DNAH17: variants seen among roughly 807,000 people sequenced by gnomAD.
DNAH17 encodes the protein dynein axonemal heavy chain 17.
DNAH17 carries 376 observed loss-of-function variants against 485.6 expected under a neutral mutation model. The ratio of observed to expected loss-of-function variants is 0.77; its 90% CI spans 0.71 to 0.84. The LOEUF (loss-of-function observed/expected upper bound fraction) is 0.84. Ranked by LOEUF, DNAH17 falls within the 40% of genes least tolerant of loss-of-function variation. DNAH17 has a pLI of 0.00. For missense variants in DNAH17, 6,370 were observed against 5,839.3 expected (o/e 1.09, Z -2.96); for synonymous variants, 3,031 against 2,405.9 (o/e 1.26, Z -7.60).
rs781417336 is a variant in DNAH17, at chr17:78,475,783, A to G, written c.8205T>C (p.Phe2735=). 2.5e-6 allele frequency: 4 copies of G among 1,613,904 alleles called. No individual in the cohort carries two copies. The highest frequency in any genetic ancestry group is 2.7e-5 in the African/African-American group (2 of 74,934). Residue 2735 remains phenylalanine, a synonymous_variant, in exon 53 of 81, where the codon TTT becomes TTC. Coordinates refer to ENST00000389840, the MANE Select transcript of DNAH17 (RefSeq NM_173628.4). Reference sequence around the variant, plus strand: ...ATTTGGGATCGCCAATCCCTTGAGCAAAGTGGCAGAAGATATTTGGCTTGG... The same window carrying G: ...ATTTGGGATCGCCAATCCCTTGAGCGAAGTGGCAGAAGATATTTGGCTTGG... ...LFAKPNIFCH[F]AQGIGDPKYV...
intron 11 of DNAH17, among the ~76,000 whole-genome samples, chr17:78,564,506 G>A (rs865777351): frequency 2.2e-5 from 3 of 138,716 alleles, no homozygotes; most frequent in African/African-American, 7.7e-5. Context: ...CTTTAATTTT[G>A]GAGACCCAAA....
rs2089853549 is a variant in DNAH17, at chr17:78,491,490, CTA to C, written c.6620_6621del (p.Ile2207ArgfsTer14). ...TTGAGAGACTCGATCCACATGGGGTCTATGTCTCCGTCAAGGATGATCCACTT... is the reference window on the plus strand; with the variant it reads ...TTGAGAGACTCGATCCACATGGGGTCTGTCTCCGTCAAGGATGATCCACTT... Reference protein sequence around the residue: ...GPKWIILDGDIDPMWIESLNT... With the variant: ...GPKWIILDGDXDPMWIESLNT... On this transcript the variant is annotated frameshift_variant, in exon 43 of 81. Coordinates refer to ENST00000389840, the MANE Select transcript of DNAH17 (RefSeq NM_173628.4). LOFTEE classifies it high-confidence loss of function. 3.1e-6 allele frequency: 5 copies of C among 1,613,580 alleles called. No homozygotes were observed. Among genetic ancestry groups the C allele is most frequent in the Non-Finnish European group, 4.2e-6 (5 of 1,179,808 alleles).
chr17:78,466,907 A>G (rs981013289), intron 55 of DNAH17, 91 bp from the exon 56 acceptor site: 1 of 1,379,138 alleles, frequency 7.3e-7, no homozygotes, highest in East Asian at 2.8e-5. Context: ...CCAGAAAGCA[A>G]CGCGCCCTGC....
At chr17:78,510,137 G>A (rs533128090) in intron 27 of DNAH17, among the ~76,000 whole-genome samples, 4 of 152,328 alleles carry the variant, frequency 2.6e-5, no homozygotes, top group Admixed American at 1.3e-4. Flanking sequence ...AGCCAAGATC[G>A]TGCCACTGCA....
At chr17:78,431,527 C>CA (rs1362291915) in intron 75 of DNAH17, among the ~76,000 whole-genome samples, 2 of 151,100 alleles carry the variant, frequency 1.3e-5, no homozygotes, top group Admixed American at 6.6e-5. Context: ...CTCTGTGTTT[C>CA]AAAGCAACGT....
chr17:78,543,092 C>T (rs938310719), intron 17 of DNAH17, among the ~76,000 whole-genome samples: 3 of 148,056 alleles, frequency 2.0e-5, no homozygotes, highest in South Asian at 2.2e-4. Flanking sequence ...AAAGATAAGG[C>T]TCGCTTGGAT....
rs73999127 is a variant in DNAH17, at chr17:78,558,676, A to G, written c.2032-422T>C. Among the ~76,000 whole-genome samples, 412 of 152,220 alleles carry G rather than the reference A, an allele frequency of 2.7e-3. 2 individuals carry two copies. The highest frequency in any genetic ancestry group is 9.5e-3 in the African/African-American group (395 of 41,528). On this transcript the variant is annotated intron_variant, in intron 13 of 80. Coordinates refer to ENST00000389840, the MANE Select transcript of DNAH17 (RefSeq NM_173628.4). Reference sequence around the variant, plus strand: ...TGGCTGACATCATCCTAATTTTCTTATCTCTGTCCTCTCCTACCTACTACC... The same window carrying G: ...TGGCTGACATCATCCTAATTTTCTTGTCTCTGTCCTCTCCTACCTACTACC...
At chr17:78,566,449 G>C (rs1393590254) in intron 11 of DNAH17, among the ~76,000 whole-genome samples, 165 bp downstream of exon 11, 3 of 152,126 alleles carry the variant, frequency 2.0e-5, no homozygotes, top group Non-Finnish European at 4.4e-5. Flanking sequence ...AGCTACACTG[G>C]GTGTTCACGG....
In DNAH17 at chr17:78,445,554, G is replaced by A. The variant is rs369932918; in HGVS notation, c.11334+4C>T. On this transcript the variant is annotated splice_donor_region_variant and intron_variant, in intron 70 of 80. Coordinates refer to ENST00000389840, the MANE Select transcript of DNAH17 (RefSeq NM_173628.4). ...CACAACGTGTTCAACGTCTAAAGAC[G>A]AACCTTGATCCCGCCCCAGCCTTGA... 2.1e-5 allele frequency: 33 copies of A among 1,561,154 alleles called. No individual in the cohort carries two copies. Among genetic ancestry groups the A allele is most frequent in the Non-Finnish European group, 2.6e-5 (30 of 1,152,318 alleles).
At chr17:78,521,441 G>T (rs999769375) in intron 25 of DNAH17, among the ~76,000 whole-genome samples, 1 of 152,030 alleles carries the variant, frequency 6.6e-6, no homozygotes, top group Non-Finnish European at 1.5e-5. Flanking sequence ...TGGAGGGACC[G>T]ACTTGTCTAC....
At chr17:78,450,492 C>G (rs964163570) in intron 67 of DNAH17, 98 bp from the exon 68 acceptor site, 13 of 1,511,450 alleles carry the variant, frequency 8.6e-6, no homozygotes, top group African/African-American at 1.4e-5. Context: ...CCCTGGGAAG[C>G]CACCCAAGGG....
chr17:78,530,223 C>T (rs1313562137), intron 21 of DNAH17, 120 bp downstream of exon 21: 1 of 1,267,260 alleles, frequency 7.9e-7, no homozygotes. Context: ...TGAAGCCCAG[C>T]CTCCACCCCC....
Position 78,543,720 on chromosome 17 carries a change from C to T in DNAH17, c.2532+137G>A, listed in dbSNP as rs938609872. 8.2e-6 allele frequency: 11 copies of T among 1,339,964 alleles called. No individual in the cohort carries two copies. In the African/African-American group the frequency reaches 1.6e-4, roughly 19 times the overall value. 83.0% of individuals were successfully genotyped at this position (1,339,964 alleles called of 1,614,324 possible). A position where few individuals can be genotyped will look rare whatever the true frequency, so the allele number is the denominator to read the frequency against. ...GATTACAGGTGAGAGCCACTGCATCCAGCCAGGTCACAGACTTCTATGACT... is the reference window on the plus strand; with the variant it reads ...GATTACAGGTGAGAGCCACTGCATCTAGCCAGGTCACAGACTTCTATGACT... On this transcript the variant is annotated intron_variant, in intron 17 of 80. Transcript: ENST00000389840.
At chr17:78,541,261 G>T (rs1185886694) in intron 17 of DNAH17, among the ~76,000 whole-genome samples, 1 of 46,350 alleles carries the variant, frequency 2.2e-5, no homozygotes. Context: ...GCAGATGGGT[G>T]GGGGGGTGGG....
At chr17:78,429,330 AGTGCCCCT>A in intron 75 of DNAH17, 30 bp from the exon 76 acceptor site, 1 of 1,604,020 alleles carries the variant, frequency 6.2e-7, no homozygotes, top group South Asian at 1.1e-5. Flanking sequence ...GGTAGGGGAA[AGTGCCCCT>A]GTGCCCCTTC....
chr17:78,453,387 G>A lies in DNAH17; in HGVS notation c.10485C>T (p.Pro3495=), dbSNP rs377744053. 47 of 1,613,634 alleles carry A rather than the reference G, an allele frequency of 2.9e-5. No homozygotes were observed. The Middle Eastern group carries it at 4.9e-4, about 17-fold the overall frequency. The part of the protein sequence containing the change: ...LIENIGETVD[P]VLDPLLGRNT... ...TCCTGCCCAGTAGAGGGTCCAGCAC[G>A]GGGTCCACGGTTTCGCCGATGTTCT... Residue 3495 remains proline (P), a synonymous_variant, in exon 65 of 81, where the codon CCC becomes CCT. Transcript: ENST00000389840.
chr17:78,446,172 T>TCAAA (rs1568061900), intron 69 of DNAH17, among the ~76,000 whole-genome samples: 1 of 3,966 alleles, frequency 2.5e-4, no homozygotes, highest in African/African-American at 6.2e-4. Flanking sequence ...AGACTCTGTC[T>TCAAA]CAAAAAAAAA....
chr17:78,555,442 T>C (rs956880761), intron 14 of DNAH17, among the ~76,000 whole-genome samples: 4 of 148,940 alleles, frequency 2.7e-5, no homozygotes, highest in Non-Finnish European at 4.4e-5. Flanking sequence ...AGGTGCTGTG[T>C]TTCTAATGAA....
At chr17:78,492,792 G>C in intron 41 of DNAH17, 27 bp from the exon 42 acceptor site, 1 of 1,598,212 alleles carries the variant, frequency 6.3e-7, no homozygotes, top group Non-Finnish European at 8.5e-7. Flanking sequence ...TCACTCACGT[G>C]TGACTCCATG....
Sources: gnomAD v4.1 joint callset for allele counts (sites outside exome capture counted in the v4.1 genomes callset) on GRCh38, gnomAD v4.1.1 for gene constraint, MANE v1.5 for transcripts, NCBI Gene and HGNC (gene_info 2026-07-23, HGNC 2026-07-21) for gene names.